The following QRFPR variants were observed in gnomAD, a reference collection of about 807,000 sequenced individuals.
The protein encoded by QRFPR is pyroglutamylated RFamide peptide receptor, also known as pyroglutamylated RF-amide peptide receptor.
In QRFPR, 37 loss-of-function variants were observed where a neutral mutation model predicts 31.3. The ratio of observed to expected loss-of-function variants is 1.18; its 90% confidence interval spans 0.91 to 1.56. The LOEUF (loss-of-function observed/expected upper bound fraction) is 1.56, where lower values mean the gene tolerates loss of function less well. QRFPR is among the 40% of genes most tolerant of loss of function. The pLI is 0.00. For missense variants in QRFPR, 542 were observed against 532.5 expected (o/e 1.02, Z -0.18); for synonymous variants, 197 against 192.0 (o/e 1.03, Z -0.22).
intron 1 of QRFPR, among the ~76,000 whole-genome samples, chr4:121,377,629 A>T (rs1162265826): frequency 6.6e-6 from 1 of 152,018 alleles, no homozygotes. Context: ...ATTCTTCCAG[A>T]CCCAGCTTGA....
At chr4:121,330,021 C>A (rs1725291414) in intron 5 of QRFPR, among the ~76,000 whole-genome samples, 1 of 151,908 alleles carries the variant, frequency 6.6e-6, no homozygotes, top group Non-Finnish European at 1.5e-5. Context: ...TTCAAATGTT[C>A]ACTTGCCTTA....
Position 121,363,648 on chromosome 4 carries a change from A to G in QRFPR, c.340+16660T>C, listed in dbSNP as rs935586946. On this transcript the variant is annotated intron_variant, in intron 1 of 5. Coordinates refer to ENST00000394427, the MANE Select transcript of QRFPR (RefSeq NM_198179.3). ...ATTTAAAAGGATATATAGAAAAGCC[A>G]TATGGTAAGAGTAAGAGTGAGGGGC... 1.7e-4 allele frequency among the ~76,000 whole-genome samples: 26 copies of G among 150,356 alleles called. 2 individuals carry two copies. The highest frequency in any genetic ancestry group is 6.4e-4 in the African/African-American group (26 of 40,628).
At chr4:121,357,660 T>C (rs943918124) in intron 1 of QRFPR, among the ~76,000 whole-genome samples, 1 of 152,168 alleles carries the variant, frequency 6.6e-6, no homozygotes, top group Non-Finnish European at 1.5e-5. Context: ...TTAAAAGAAA[T>C]TGATATTTAG....
At chr4:121,370,892 T>C (rs2110484189) in intron 1 of QRFPR, among the ~76,000 whole-genome samples, 1 of 152,344 alleles carries the variant, frequency 6.6e-6, no homozygotes, top group East Asian at 1.9e-4. Context: ...ACCTGTATCT[T>C]TGTCATATTT....
intron 1 of QRFPR, among the ~76,000 whole-genome samples, chr4:121,377,737 C>T (rs1726384837): frequency 6.6e-6 from 1 of 152,148 alleles, no homozygotes. Context: ...ATTTTGGGGC[C>T]ATCTCCTATT....
intron 1 of QRFPR, among the ~76,000 whole-genome samples, chr4:121,367,409 A>G (rs1194180690): frequency 2.0e-5 from 3 of 150,142 alleles, no homozygotes; most frequent in Admixed American, 2.0e-4. Flanking sequence ...TCTGAGTACA[A>G]ATGATTAGTT....
intron 4 of QRFPR, among the ~76,000 whole-genome samples, chr4:121,331,329 G>T (rs1052817673): frequency 5.3e-5 from 8 of 151,186 alleles, no homozygotes; most frequent in African/African-American, 1.9e-4. Flanking sequence ...GACCACAGGT[G>T]CATGCCACTA....
intron 1 of QRFPR, among the ~76,000 whole-genome samples, chr4:121,363,621 G>A (rs1046575353): frequency 6.7e-6 from 1 of 150,258 alleles, no homozygotes; most frequent in Non-Finnish European, 1.5e-5. Context: ...GTTAGGAAAT[G>A]AATTTAAAAG....
intron 1 of QRFPR, among the ~76,000 whole-genome samples, chr4:121,351,350 G>T (rs1725757172): frequency 6.6e-6 from 1 of 152,146 alleles, no homozygotes; most frequent in Admixed American, 6.6e-5. Context: ...CAATTACTTT[G>T]TAAGAACTGT....
intron 1 of QRFPR, among the ~76,000 whole-genome samples, chr4:121,367,910 G>A (rs1726158114): frequency 6.8e-6 from 1 of 146,498 alleles, no homozygotes; most frequent in African/African-American, 2.5e-5. Context: ...AAGTAGTAAG[G>A]ATTTTTATTG....
At chr4:121,365,527 TATATATAATATATATTATATATA>T (rs1726084814) in intron 1 of QRFPR, among the ~76,000 whole-genome samples, 1 of 5,012 alleles carries the variant, frequency 2.0e-4, no homozygotes, top group African/African-American at 1.4e-3. Context: ...TTATATATAT[TATATATAATATATATTATATATA>T]ATATATAATA....
intron 3 of QRFPR, among the ~76,000 whole-genome samples, chr4:121,334,288 T>C (rs1195713822): frequency 6.6e-6 from 1 of 152,230 alleles, no homozygotes. Flanking sequence ...TATGCTCAGA[T>C]GGTTTTATGG....
chr4:121,332,749 C>T (rs772475345), intron 4 of QRFPR, 72 bp downstream of exon 4: 43 of 1,167,642 alleles, frequency 3.7e-5, no homozygotes, highest in Non-Finnish European at 5.1e-5. Context: ...GTTCTGAGAG[C>T]CCTGGCAACC....
At chr4:121,369,599 G>A (rs1344499074) in intron 1 of QRFPR, 2 of 1,611,236 alleles carry the variant, frequency 1.2e-6, no homozygotes, top group Admixed American at 1.7e-5. Context: ...CATTGGAGAG[G>A]GCTTCTGGGC....
At chr4:121,351,167 T>C (rs571142792) in intron 1 of QRFPR, among the ~76,000 whole-genome samples, 101 of 152,172 alleles carry the variant, frequency 6.6e-4, no homozygotes, top group Non-Finnish European at 1.3e-3. Context: ...ATGGGACAGA[T>C]TGAAAGACCA....
intron 1 of QRFPR, 102 bp downstream of exon 1, chr4:121,380,206 A>AGAGAGAGG: frequency 3.3e-6 from 1 of 305,620 alleles, no homozygotes; most frequent in Non-Finnish European, 6.0e-6. Context: ...AGAGAGAGAG[A>AGAGAGAGG]GAGAGAGAGA....
chr4:121,359,845 C>T (rs1243749431), intron 1 of QRFPR, among the ~76,000 whole-genome samples: 1 of 151,232 alleles, frequency 6.6e-6, no homozygotes, highest in Non-Finnish European at 1.5e-5. Flanking sequence ...CCTATTAGTT[C>T]TGTTCCTCTA....
At chr4:121,342,199 GC>G (rs1489234010) in intron 1 of QRFPR, among the ~76,000 whole-genome samples, 2 of 152,114 alleles carry the variant, frequency 1.3e-5, no homozygotes, top group African/African-American at 4.8e-5. Context: ...ACTTTCTCCT[GC>G]CCTTTGACAT....
intron 1 of QRFPR, among the ~76,000 whole-genome samples, chr4:121,356,838 T>G (rs1484220082): frequency 3.9e-5 from 6 of 152,126 alleles, no homozygotes. Context: ...GCTGGCACTA[T>G]GCTGGGTCAC....
Sources: allele counts gnomAD v4.1 joint callset (sites outside exome capture counted in the v4.1 genomes callset), GRCh38; gene constraint gnomAD v4.1.1; transcripts MANE v1.5; gene names NCBI Gene and HGNC (gene_info 2026-07-23, HGNC 2026-07-21).